KCNQ1: variants seen among roughly 807,000 people sequenced by gnomAD.
KCNQ1 encodes potassium voltage-gated channel subfamily Q member 1.
KCNQ1 carries 49 observed loss-of-function variants against 72.4 expected under a neutral mutation model. That is an observed-to-expected ratio of 0.68 (90% confidence interval 0.54 to 0.86). The LOEUF (loss-of-function observed/expected upper bound fraction) is 0.86. Ranked by LOEUF, KCNQ1 falls within the 40% of genes least tolerant of loss-of-function variation. The pLI, the probability that KCNQ1 is intolerant of heterozygous loss-of-function variation, is 0.00. For missense variants in KCNQ1, 790 were observed against 945.1 expected, an observed-to-expected ratio of 0.84 and a Z score of 2.15; for synonymous variants, 450 against 412.6, an observed-to-expected ratio of 1.09 and a Z score of -1.10.
At chr11:2,794,976 G>A (rs993881195) in intron 15 of KCNQ1, among the ~76,000 whole-genome samples, 1 of 152,180 alleles carries the variant, frequency 6.6e-6, no homozygotes, top group Admixed American at 6.5e-5. Flanking sequence ...GAAGCTGTGC[G>A]GGGAGGAAGG....
At position 2,538,573 on chromosome 11, in the gene KCNQ1, C is replaced by T. The variant is rs114221899; in HGVS notation, c.477+10555C>T. Among the ~76,000 whole-genome samples, 1,613 of 152,172 alleles carry T rather than the reference C, an allele frequency of 0.011. 27 individuals are homozygous for T. The highest frequency in any genetic ancestry group is 0.038 in the African/African-American group (1,562 of 41,504). ...CATTCTTTCATGCGAAATCTGCTTG[C>T]GGGAGAGTCGTGAAAGTGGGAATCC... On this transcript the variant is annotated intron_variant, in intron 2 of 15. Transcript: ENST00000155840. This position sits in a 1 kb window ranked among gnomAD's most constrained non-coding sequence, Gnocchi z 6.7.
At chr11:2,688,795 C>A (rs559388605) in intron 11 of KCNQ1, 4 of 398,778 alleles carry the variant, frequency 1.0e-5, no homozygotes, top group Non-Finnish European at 1.8e-5. Context: ...TTGCCCTCCC[C>A]CACACACAGC....
intron 1 of KCNQ1, among the ~76,000 whole-genome samples, chr11:2,503,126 A>G (rs1001412575): frequency 3.3e-5 from 5 of 152,220 alleles, no homozygotes; most frequent in Admixed American, 6.5e-5. Context: ...GGAGTGGGCA[A>G]AGACTGCTTG....
At chr11:2,644,350 T>G (rs7124833) in intron 10 of KCNQ1, 356,415 of 397,988 alleles carry the variant, frequency 0.9, 159,852 homozygotes, top group East Asian at 0.99. Context: ...CTTCTGCTTG[T>G]TGTGGTCTGT....
chr11:2,790,281 G>A (rs1191887506), intron 15 of KCNQ1, among the ~76,000 whole-genome samples: 1 of 152,194 alleles, frequency 6.6e-6, no homozygotes, highest in Non-Finnish European at 1.5e-5. Flanking sequence ...GTGACACCAG[G>A]AGCTGGCATT....
chr11:2,714,276 A>G (rs1423739811), intron 11 of KCNQ1, among the ~76,000 whole-genome samples: 1 of 152,188 alleles, frequency 6.6e-6, no homozygotes, highest in East Asian at 1.9e-4. Context: ...CACTCACCTC[A>G]CATGGCCTGA....
Position 2,657,105 on chromosome 11 carries a change from C to T in KCNQ1, c.1394-4856C>T, listed in dbSNP as rs763384197. The T allele has an allele frequency of 1.0e-5, 4 of 398,632 alleles. No homozygotes were observed. Among genetic ancestry groups the T allele is most frequent in the East Asian group, 7.1e-5 (2 of 28,072 alleles). 24.7% of individuals were successfully genotyped at this position (398,632 alleles called of 1,614,324 possible). A position where few individuals can be genotyped will look rare whatever the true frequency, so the allele number is the denominator to read the frequency against. The stretch of plus-strand genomic sequence containing the variant: ...TTTGTCTCTCCCTGTGTCAATACCA[C>T]ATTGCCCTAATGACCACTGCCTTGG... On this transcript the variant is annotated intron_variant, in intron 10 of 15. Coordinates refer to ENST00000155840, the MANE Select transcript of KCNQ1 (RefSeq NM_000218.3). The surrounding 1 kb of genome is among the most constrained non-coding windows in gnomAD (Gnocchi z 4.8).
At chr11:2,795,115 C>T (rs1847105538) in intron 15 of KCNQ1, among the ~76,000 whole-genome samples, 1 of 152,236 alleles carries the variant, frequency 6.6e-6, no homozygotes, top group African/African-American at 2.4e-5. Flanking sequence ...AGCTCCACCC[C>T]ACAGCAGCCA....
chr11:2,757,158 T>G (rs1368547412), intron 11 of KCNQ1, among the ~76,000 whole-genome samples: 1 of 151,912 alleles, frequency 6.6e-6, no homozygotes, highest in African/African-American at 2.4e-5. Context: ...GAAAGGAGGA[T>G]CTAAAACTGT....
intron 1 of KCNQ1, among the ~76,000 whole-genome samples, chr11:2,524,901 A>G (rs1218025492): frequency 6.6e-6 from 1 of 152,176 alleles, no homozygotes; most frequent in African/African-American, 2.4e-5. Flanking sequence ...CCTGGGGAGC[A>G]GGCAGGTGGC....
intron 2 of KCNQ1, among the ~76,000 whole-genome samples, chr11:2,529,630 C>T (rs1049448552): frequency 6.6e-6 from 1 of 152,146 alleles, no homozygotes; most frequent in South Asian, 2.1e-4. Flanking sequence ...CTGGCGTCTG[C>T]GAAAGCTGTT....
Position 2,698,758 on chromosome 11 carries a change from G to T in KCNQ1, c.1514+36677G>T. ...CCCTTGGATCTCAACTCAGAGCCAT[G>T]ATGCAGACTCCAGACCGGGATTCAG... On this transcript the variant is annotated intron_variant, in intron 11 of 15. Transcript: ENST00000155840. This position sits in a 1 kb window ranked among gnomAD's most constrained non-coding sequence, Gnocchi z 5.1. The T allele has an allele frequency of 7.5e-6, 3 of 398,790 alleles. No homozygotes were observed. The highest frequency in any genetic ancestry group is 1.3e-5 in the Non-Finnish European group (3 of 226,146). 24.7% of individuals were successfully genotyped at this position (398,790 alleles called of 1,614,324 possible). A position where few individuals can be genotyped will look rare whatever the true frequency, so the allele number is the denominator to read the frequency against.
intron 2 of KCNQ1, among the ~76,000 whole-genome samples, chr11:2,554,180 TCCTG>T (rs1848035560): frequency 6.6e-6 from 1 of 152,258 alleles, no homozygotes; most frequent in Non-Finnish European, 1.5e-5. Flanking sequence ...GGGAAATATT[TCCTG>T]CTCTTCAATT....
At chr11:2,510,992 C>T (rs949137383) in intron 1 of KCNQ1, among the ~76,000 whole-genome samples, 2 of 152,190 alleles carry the variant, frequency 1.3e-5, no homozygotes, top group Non-Finnish European at 2.9e-5. Context: ...CCCTCTTGCC[C>T]TGCCTCTCCC....
Position 2,583,424 on chromosome 11 carries a change from T to C in KCNQ1, c.922-11T>C. On this transcript the variant is annotated splice_polypyrimidine_tract_variant and intron_variant, in intron 6 of 15. Transcript: ENST00000155840. Reference sequence around the variant, plus strand: ...CCCATCCGTGGCTGACCACTGTCCCTCTCCCTGCAGGTCACAGTCACCACC... The same window carrying C: ...CCCATCCGTGGCTGACCACTGTCCCCCTCCCTGCAGGTCACAGTCACCACC... 1 of 1,597,064 alleles carries C rather than the reference T, an allele frequency of 6.3e-7. No homozygotes were observed. The highest frequency in any genetic ancestry group is 8.6e-7 in the Non-Finnish European group (1 of 1,164,840).
rs1044886724 is a variant in KCNQ1 at position 2,447,701 on chromosome 11, C to T, written c.386+2217C>T. Among the ~76,000 whole-genome samples the T allele has an allele frequency of 1.3e-5, 2 of 152,200 alleles. No individual in the cohort carries two copies. The highest frequency in any genetic ancestry group is 6.5e-5 in the Admixed American group (1 of 15,286). On this transcript the variant is annotated intron_variant, in intron 1 of 15. Transcript: ENST00000155840. The surrounding 1 kb of genome is among the most constrained non-coding windows in gnomAD (Gnocchi z 7.6). ...GAAGTCTTGGCAATGGTGGCGGAGACAGGGCCCTGTCCTTAGGTGGATTGT... is the reference window on the plus strand; with the variant it reads ...GAAGTCTTGGCAATGGTGGCGGAGATAGGGCCCTGTCCTTAGGTGGATTGT...
Position 2,492,658 on chromosome 11 carries a change from T to C in KCNQ1, c.387-35270T>C, listed in dbSNP as rs530812931. On this transcript the variant is annotated intron_variant, in intron 1 of 15. Transcript: ENST00000155840. This position sits in a 1 kb window ranked among gnomAD's most constrained non-coding sequence, Gnocchi z 4.1. ...TAGTTTGCCGAGAATGGTTTCCAGC[T>C]TCATCCCCACAAAAGACATGAACTC... Among the ~76,000 whole-genome samples the C allele has an allele frequency of 6.6e-6, 1 of 152,122 alleles. No homozygotes were observed. The highest frequency in any genetic ancestry group is 2.1e-4 in the South Asian group (1 of 4,814).
intron 10 of KCNQ1, among the ~76,000 whole-genome samples, chr11:2,594,600 TC>T (rs1003857586): frequency 1.3e-5 from 2 of 152,202 alleles, no homozygotes; most frequent in Non-Finnish European, 2.9e-5. Flanking sequence ...TCTGTCTCCC[TC>T]TGCTTCATTC....
chr11:2,561,608 C>T (rs1337210204), intron 2 of KCNQ1, among the ~76,000 whole-genome samples: 1 of 152,230 alleles, frequency 6.6e-6, no homozygotes, highest in Non-Finnish European at 1.5e-5. Context: ...GTCTGGGTCC[C>T]CCGCCTGGGA....
Sources: allele counts gnomAD v4.1 joint callset (sites outside exome capture counted in the v4.1 genomes callset), GRCh38; gene constraint gnomAD v4.1.1; non-coding constraint Gnocchi (gnomAD v3.1); transcripts MANE v1.5; gene names NCBI Gene and HGNC (gene_info 2026-07-23, HGNC 2026-07-21).